The following JAK2 variants were observed in gnomAD, a reference collection of about 807,000 sequenced individuals.
JAK2 encodes Janus kinase 2, also known as tyrosine-protein kinase JAK2.
Under a neutral mutation model 139.3 loss-of-function variants are expected in JAK2, and 86 were observed. That is an observed-to-expected ratio of 0.62 (90% CI 0.52 to 0.74). JAK2 has a LOEUF of 0.74. JAK2 is among the 30% of genes least tolerant of loss of function. The pLI is 0.00. For synonymous variants in JAK2, 490 were observed against 437.7 expected (o/e 1.12, Z -1.49); for missense variants, 1,421 against 1,360.3 (o/e 1.04, Z -0.70).
At chr9:5,107,110 G>A (rs1213964932) in intron 22 of JAK2, among the ~76,000 whole-genome samples, 2 of 152,084 alleles carry the variant, frequency 1.3e-5, no homozygotes, top group Non-Finnish European at 2.9e-5. Flanking sequence ...CTTTGTAGAT[G>A]TAGTATGACT....
intron 5 of JAK2, among the ~76,000 whole-genome samples, chr9:5,046,218 T>A (rs1035234488): frequency 6.6e-6 from 1 of 152,188 alleles, no homozygotes; most frequent in African/African-American, 2.4e-5. Context: ...TTATCTTCTT[T>A]GCAGAGATGT....
intron 4 of JAK2, among the ~76,000 whole-genome samples, chr9:5,033,783 A>C (rs929919793): frequency 7.9e-5 from 12 of 152,188 alleles, no homozygotes; most frequent in African/African-American, 2.9e-4. Flanking sequence ...CCACTGCAAA[A>C]ACACGCCAAA....
chr9:5,095,091 C>T (rs558260170), intron 22 of JAK2: 21 of 152,134 alleles, frequency 1.4e-4, no homozygotes, highest in South Asian at 6.2e-4. Flanking sequence ...ATTTCTGGAA[C>T]TATAGGAATT....
intron 22 of JAK2, among the ~76,000 whole-genome samples, chr9:5,093,634 A>G (rs1318857482): frequency 2.0e-5 from 3 of 152,182 alleles, no homozygotes; most frequent in Non-Finnish European, 2.9e-5. Context: ...ACCTCATAGC[A>G]TATTCAACCT....
intron 6 of JAK2, among the ~76,000 whole-genome samples, chr9:5,052,899 A>G (rs764938658): frequency 2.0e-5 from 3 of 152,066 alleles, no homozygotes; most frequent in Non-Finnish European, 4.4e-5. Flanking sequence ...TCTTCACTTG[A>G]TGAAAATGTG....
At chr9:5,061,206 C>T (rs1434356293) in intron 8 of JAK2, among the ~76,000 whole-genome samples, 1 of 152,176 alleles carries the variant, frequency 6.6e-6, no homozygotes, top group African/African-American at 2.4e-5. Context: ...GGTAAATGAG[C>T]GCTGGTTTGA....
chr9:5,121,966 G>C (rs1220500866), intron 22 of JAK2, among the ~76,000 whole-genome samples: 2 of 152,036 alleles, frequency 1.3e-5, no homozygotes, highest in Non-Finnish European at 2.9e-5. Context: ...ACATACATTT[G>C]ATAATAACAT....
intron 2 of JAK2, among the ~76,000 whole-genome samples, chr9:5,006,994 T>C (rs549336956): frequency 1.7e-4 from 26 of 152,348 alleles, no homozygotes; most frequent in Admixed American, 1.6e-3. Context: ...TAATTCCCGA[T>C]ATTGATAATT....
intron 19 of JAK2, 41 bp from the exon 20 acceptor site, chr9:5,089,633 G>C (rs1820416462): frequency 1.0e-6 from 1 of 972,494 alleles, no homozygotes; most frequent in Non-Finnish European, 1.3e-6. Context: ...AATTTGCCTT[G>C]AAAACTTGGT....
intron 15 of JAK2, among the ~76,000 whole-genome samples, 154 bp downstream of exon 15, chr9:5,077,734 G>A (rs752943912): frequency 6.6e-6 from 1 of 152,016 alleles, no homozygotes; most frequent in Non-Finnish European, 1.5e-5. Flanking sequence ...ATTACTTTAG[G>A]CATATGTTTA....
At chr9:5,048,014 T>C (rs1586700577) in intron 5 of JAK2, among the ~76,000 whole-genome samples, 1 of 152,342 alleles carries the variant, frequency 6.6e-6, no homozygotes, top group East Asian at 1.9e-4. Flanking sequence ...TTGTAACTTT[T>C]CTCTAGTGAA....
At chr9:5,122,756 G>A (rs187354599) in intron 22 of JAK2, among the ~76,000 whole-genome samples, 5 of 151,996 alleles carry the variant, frequency 3.3e-5, no homozygotes, top group South Asian at 2.1e-4. Flanking sequence ...AGCATAAACC[G>A]TATTGTTTGT....
chr9:5,059,921 T>C (rs190796271), intron 8 of JAK2, among the ~76,000 whole-genome samples: 164 of 152,338 alleles, frequency 1.1e-3, no homozygotes, highest in African/African-American at 3.7e-3. Context: ...CTGTAGAGTC[T>C]CTATAGATTC....
intron 14 of JAK2, 51 bp downstream of exon 14, chr9:5,073,836 GT>G: frequency 1.7e-6 from 2 of 1,210,964 alleles, no homozygotes; most frequent in Non-Finnish European, 1.2e-6. Flanking sequence ...ATCTGTTTTT[GT>G]TTATATAGAA....
intron 22 of JAK2, chr9:5,111,107 G>C: frequency 8.2e-7 from 1 of 1,219,638 alleles, no homozygotes. Context: ...GACCAGAACA[G>C]CTCCTCCTTT....
At chr9:5,000,567 A>G (rs1202494513) in intron 2 of JAK2, among the ~76,000 whole-genome samples, 2 of 152,184 alleles carry the variant, frequency 1.3e-5, no homozygotes, top group African/African-American at 4.8e-5. Context: ...AATGATTTTT[A>G]GGCTTTGTTA....
intron 2 of JAK2, among the ~76,000 whole-genome samples, chr9:5,009,845 A>T (rs1402804389): frequency 6.6e-6 from 1 of 151,048 alleles, no homozygotes; most frequent in South Asian, 2.1e-4. Flanking sequence ...AACCTAGCTC[A>T]CTGCAGGCTC....
At chr9:5,020,191 G>A (rs1022901835) in intron 2 of JAK2, among the ~76,000 whole-genome samples, 6 of 152,142 alleles carry the variant, frequency 3.9e-5, no homozygotes, top group African/African-American at 1.4e-4. Context: ...TGGCTGGGTA[G>A]GCAAGTCCTA....
intron 2 of JAK2, among the ~76,000 whole-genome samples, chr9:5,008,987 T>C (rs935826967): frequency 1.3e-5 from 2 of 152,206 alleles, no homozygotes; most frequent in African/African-American, 4.8e-5. Flanking sequence ...ATGAGTTTGA[T>C]CCTTTGAGTC....
Sources: allele counts gnomAD v4.1 joint callset (sites outside exome capture counted in the v4.1 genomes callset), GRCh38; gene constraint gnomAD v4.1.1; transcripts MANE v1.5; gene names NCBI Gene and HGNC (gene_info 2026-07-23, HGNC 2026-07-21).